The following NEMP2 variants were observed in gnomAD, a reference collection of about 807,000 sequenced individuals.
NEMP2 encodes UPF0571 transmembrane protein.
Under a neutral mutation model 54.2 loss-of-function variants are expected in NEMP2, and 53 were observed. The ratio of observed to expected loss-of-function variants is 0.98; its 90% CI spans 0.78 to 1.23. The LOEUF (loss-of-function observed/expected upper bound fraction) is 1.23, where lower values mean the gene tolerates loss of function less well. Ranked by LOEUF, NEMP2 falls within the 50% of genes most tolerant of loss-of-function variation. The pLI is 0.00. For missense variants in NEMP2, 455 were observed against 511.3 expected, an observed-to-expected ratio of 0.89 and a Z score of 1.06; for synonymous variants, 197 against 190.3, an observed-to-expected ratio of 1.04 and a Z score of -0.29.
rs1466043455 is a variant in NEMP2, at chr2:190,534,640, C to G, written c.16G>C (p.Gly6Arg). 3.7e-6 allele frequency: 5 copies of G among 1,339,028 alleles called. No individual in the cohort carries two copies. The highest frequency in any genetic ancestry group is 4.8e-6 in the Non-Finnish European group (5 of 1,049,454). 82.9% of individuals were successfully genotyped at this position (1,339,028 alleles called of 1,614,324 possible). A position where few individuals can be genotyped will look rare whatever the true frequency, so the allele number is the denominator to read the frequency against. MGPRQGRWWLLLWLPP... is the reference protein window; with the variant it reads MGPRQRRWWLLLWLPP... ...AGCCAGAGCAGCAGCCACCACCGCC[C>G]TTGGCGCGGCCCCATTTCGTTAGGG... The change falls in exon 1 of 9, where the codon GGG (glycine) becomes CGG (arginine). Residue 6 changes from glycine to arginine, a missense_variant. Gly to Arg is a moderately radical substitution (Grantham distance 125, BLOSUM62 -2). Coordinates refer to ENST00000409150, the MANE Select transcript of NEMP2 (RefSeq NM_001142645.2).
the NEMP2 span, among the ~76,000 whole-genome samples, chr2:190,635,034 A>G: frequency 2.6e-5 from 4 of 152,316 alleles, no homozygotes; most frequent in South Asian, 8.3e-4. The surrounding 1 kb of genome is among the most constrained non-coding windows in gnomAD (Gnocchi z 4.1). Context: ...TGATTTAATA[A>G]GCCACGTGAT....
chr2:190,594,799 C>A, the NEMP2 span, among the ~76,000 whole-genome samples: 1 of 152,128 alleles, frequency 6.6e-6, no homozygotes, highest in Non-Finnish European at 1.5e-5. The surrounding 1 kb of genome is among the most constrained non-coding windows in gnomAD (Gnocchi z 5.6). Context: ...CAAGGAGTAC[C>A]ATCTGAGAAG....
At chr2:190,623,816 G>T in the NEMP2 span, among the ~76,000 whole-genome samples, 1 of 152,006 alleles carries the variant, frequency 6.6e-6, no homozygotes, top group African/African-American at 2.4e-5. Flanking sequence ...GACAAATGGG[G>T]TTATATCAAG....
the NEMP2 span, chr2:190,444,807 A>C: frequency 8.5e-6 from 5 of 586,850 alleles, no homozygotes; most frequent in African/African-American, 1.0e-4. Flanking sequence ...CCTCCATTTC[A>C]TTCAGAAACA....
At chr2:190,493,497 CAATG>C in the NEMP2 span, among the ~76,000 whole-genome samples, 3 of 152,236 alleles carry the variant, frequency 2.0e-5, no homozygotes, top group African/African-American at 7.2e-5. Flanking sequence ...AACAAAGAAA[CAATG>C]GATTTAAACT....
At chr2:190,443,315 C>T in the NEMP2 span, among the ~76,000 whole-genome samples, 4 of 152,150 alleles carry the variant, frequency 2.6e-5, no homozygotes, top group African/African-American at 9.7e-5. This position sits in a 1 kb window ranked among gnomAD's most constrained non-coding sequence, Gnocchi z 4.2. Flanking sequence ...CTTTTTGCAT[C>T]TCTGTATTGT....
the NEMP2 span, among the ~76,000 whole-genome samples, chr2:190,493,189 A>C: frequency 6.6e-6 from 1 of 152,084 alleles, no homozygotes; most frequent in Admixed American, 6.6e-5. Flanking sequence ...GTGGAAAAAG[A>C]CATTCCATGC....
chr2:190,636,746 T>C, the NEMP2 span, among the ~76,000 whole-genome samples: 1 of 152,162 alleles, frequency 6.6e-6, no homozygotes, highest in Admixed American at 6.5e-5. Context: ...AGAAAACACA[T>C]CTCAAAAATC....
At chr2:190,426,571 A>G in the NEMP2 span, among the ~76,000 whole-genome samples, 21 of 152,280 alleles carry the variant, frequency 1.4e-4, no homozygotes, top group South Asian at 4.4e-3. The surrounding 1 kb of genome is among the most constrained non-coding windows in gnomAD (Gnocchi z 4.7). Context: ...TGCTGTACCC[A>G]TCACCCAAAT....
chr2:190,622,672 A>G, the NEMP2 span, among the ~76,000 whole-genome samples: 12 of 152,264 alleles, frequency 7.9e-5, no homozygotes, highest in African/African-American at 2.2e-4. Context: ...ACCATAAAAA[A>G]CTTTTGTGCT....
the NEMP2 span, chr2:190,497,427 T>C: frequency 1.2e-6 from 2 of 1,607,280 alleles, no homozygotes; most frequent in South Asian, 1.1e-5. The surrounding 1 kb of genome is among the most constrained non-coding windows in gnomAD (Gnocchi z 5.2). Flanking sequence ...TTAAACATTC[T>C]TTTCTCTCCA....
At position 190,518,816 on chromosome 2, in the gene NEMP2, A is replaced by G. The variant is rs748886078; in HGVS notation, c.446-8T>C. ...AGAGTTTGAAATCCATGACTGGAGT[A>G]AAAAAGACACACAAACACATAACAA... On this transcript the variant is annotated splice_region_variant and splice_polypyrimidine_tract_variant and intron_variant, in intron 3 of 8. Transcript: ENST00000409150. The G allele has an allele frequency of 8.4e-6, 13 of 1,539,148 alleles. No individual in the cohort carries two copies. The highest frequency in any genetic ancestry group is 6.3e-5 in the Admixed American group (3 of 47,714).
At chr2:190,425,513 T>A in the NEMP2 span, among the ~76,000 whole-genome samples, 3 of 152,202 alleles carry the variant, frequency 2.0e-5, no homozygotes, top group African/African-American at 7.2e-5. The surrounding 1 kb of genome is among the most constrained non-coding windows in gnomAD (Gnocchi z 4.3). Flanking sequence ...CCCTCTGTTC[T>A]TAGTTTTCTG....
At chr2:190,497,403 G>A in the NEMP2 span, 1 of 1,596,430 alleles carries the variant, frequency 6.3e-7, no homozygotes, top group Admixed American at 1.7e-5. The surrounding 1 kb of genome is among the most constrained non-coding windows in gnomAD (Gnocchi z 5.2). Context: ...TGTAGAAAAT[G>A]CTGAAAAAAT....
chr2:190,435,254 A>G, the NEMP2 span: 1 of 152,236 alleles, frequency 6.6e-6, no homozygotes, highest in African/African-American at 2.4e-5. Context: ...GGACAAGATA[A>G]TAGGGCTATT....
At chr2:190,628,770 A>G in the NEMP2 span, 1 of 152,268 alleles carries the variant, frequency 6.6e-6, no homozygotes, top group Non-Finnish European at 1.5e-5. The surrounding 1 kb of genome is among the most constrained non-coding windows in gnomAD (Gnocchi z 4.1). Context: ...TGAGAAAAAT[A>G]GACATGAGAA....
At chr2:190,565,016 T>C in the NEMP2 span, among the ~76,000 whole-genome samples, 1 of 152,152 alleles carries the variant, frequency 6.6e-6, no homozygotes, top group Admixed American at 6.5e-5. Context: ...TCATCAGTCT[T>C]GGCAGAGAGT....
chr2:190,488,180 C>T, the NEMP2 span, among the ~76,000 whole-genome samples: 1 of 152,172 alleles, frequency 6.6e-6, no homozygotes, highest in Non-Finnish European at 1.5e-5. This position sits in a 1 kb window ranked among gnomAD's most constrained non-coding sequence, Gnocchi z 6.4. Context: ...GGATTACAGG[C>T]GTGAGCCACT....
At chr2:190,446,940 C>G in the NEMP2 span, among the ~76,000 whole-genome samples, 2 of 152,200 alleles carry the variant, frequency 1.3e-5, no homozygotes, top group African/African-American at 4.8e-5. Context: ...GTGCACTGCT[C>G]TGAAAATATG....
Sources: allele counts gnomAD v4.1 joint callset (sites outside exome capture counted in the v4.1 genomes callset), GRCh38; gene constraint gnomAD v4.1.1; non-coding constraint Gnocchi (gnomAD v3.1); transcripts MANE v1.5; gene names NCBI Gene and HGNC (gene_info 2026-07-23, HGNC 2026-07-21).